Variants in AK8 observed in about 807,000 individuals in gnomAD.
AK8 encodes adenylate kinase 8.
A neutral mutation model predicts 54.6 loss-of-function variants in AK8; 44 were observed. The observed-to-expected ratio is 0.81, with a 90% CI of 0.63 to 1.04. AK8 has a LOEUF of 1.04. AK8 is among the 50% of genes least tolerant of loss of function. AK8 has a pLI of 0.00. For missense variants in AK8, 555 were observed against 613.6 expected (o/e 0.90, Z 1.01); for synonymous variants, 239 against 245.6 (o/e 0.97, Z 0.25).
At chr9:132,802,392 G>A (rs1840502581) in intron 10 of AK8, among the ~76,000 whole-genome samples, 1 of 152,204 alleles carries the variant, frequency 6.6e-6, no homozygotes, top group Non-Finnish European at 1.5e-5. Flanking sequence ...TCTGTGAACA[G>A]ATTCAGACAG....
chr9:132,757,739 A>G (rs1283191029), intron 11 of AK8, among the ~76,000 whole-genome samples: 4 of 152,184 alleles, frequency 2.6e-5, no homozygotes, highest in Admixed American at 2.6e-4. Context: ...AAAAATGGAA[A>G]TAACTGTCAT....
intron 11 of AK8, among the ~76,000 whole-genome samples, chr9:132,750,708 A>G (rs911804071): frequency 1.3e-5 from 2 of 151,974 alleles, no homozygotes; most frequent in Non-Finnish European, 2.9e-5. Flanking sequence ...CCCCCATGAG[A>G]GCAACTTCAG....
intron 8 of AK8, among the ~76,000 whole-genome samples, chr9:132,824,319 G>A (rs1841785061): frequency 6.6e-6 from 1 of 152,184 alleles, no homozygotes; most frequent in Non-Finnish European, 1.5e-5. Flanking sequence ...CTCCTGCCAA[G>A]GCCCCAGACT....
chr9:132,862,622 C>T (rs754758785), intron 4 of AK8, among the ~76,000 whole-genome samples: 8 of 152,162 alleles, frequency 5.3e-5, no homozygotes, highest in Admixed American at 1.3e-4. Context: ...AGTCATTGCA[C>T]CCAGCCCATC....
At chr9:132,845,929 C>T (rs1842731247) in intron 5 of AK8, among the ~76,000 whole-genome samples, 1 of 152,082 alleles carries the variant, frequency 6.6e-6, no homozygotes, top group Non-Finnish European at 1.5e-5. Flanking sequence ...CAAATCTGTC[C>T]AGGCAGCTGG....
intron 5 of AK8, among the ~76,000 whole-genome samples, chr9:132,849,532 T>C (rs1482935285): frequency 6.6e-6 from 1 of 152,190 alleles, no homozygotes. Flanking sequence ...GGGCTCTGGA[T>C]ATCTGCCCAC....
chr9:132,855,684 A>G lies in AK8; in HGVS notation c.334-759T>C, dbSNP rs1227986572. On this transcript the variant is annotated intron_variant, in intron 4 of 12. Transcript: ENST00000298545. ...AATGAAACTTCAAATTCCTTGATGC[A>G]TTCAACAAGCAGCAATCATGACGGC... is the stretch of plus-strand genomic sequence containing the variant. Among the ~76,000 whole-genome samples the G allele has an allele frequency of 2.0e-5, 3 of 152,258 alleles. No homozygotes were observed. The East Asian group carries it at 5.8e-4, about 29-fold the overall frequency.
intron 11 of AK8, among the ~76,000 whole-genome samples, chr9:132,775,129 AG>A (rs11325535): frequency 0.22 from 32,685 of 151,972 alleles, 4,011 homozygotes; most frequent in African/African-American, 0.33. Context: ...GGGATGGCAA[AG>A]GGACCCTGGA....
At chr9:132,877,160 C>G (rs1039764475) in intron 1 of AK8, among the ~76,000 whole-genome samples, 6 of 152,086 alleles carry the variant, frequency 3.9e-5, no homozygotes, top group African/African-American at 1.5e-4. Flanking sequence ...TCCAGATGAT[C>G]CCCCATCCTG....
intron 2 of AK8, among the ~76,000 whole-genome samples, chr9:132,870,590 T>C (rs745522271): frequency 6.6e-6 from 1 of 152,230 alleles, no homozygotes; most frequent in Non-Finnish European, 1.5e-5. Flanking sequence ...GCTCACTTTG[T>C]ACTAAATCTG....
chr9:132,878,440 A>G, upstream of AK8: 1 of 1,229,426 alleles, frequency 8.1e-7, no homozygotes, highest in Admixed American at 4.3e-5. The surrounding 1 kb of genome is among the most constrained non-coding windows in gnomAD (Gnocchi z 4.7). Context: ...GGCTCGGGCA[A>G]GTTCTTTCCC....
chr9:132,793,105 C>T (rs1008384201), intron 10 of AK8, among the ~76,000 whole-genome samples: 2 of 152,206 alleles, frequency 1.3e-5, no homozygotes, highest in Non-Finnish European at 2.9e-5. Flanking sequence ...TAGCAAAATC[C>T]CGTAAACTGG....
chr9:132,827,932 G>A (rs1841940382), intron 7 of AK8, 81 bp downstream of exon 7: 1 of 1,415,414 alleles, frequency 7.1e-7, no homozygotes, highest in African/African-American at 1.4e-5. Context: ...CAGAATGCGA[G>A]GTCAGGAAAT....
At chr9:132,865,706 G>A (rs140287936) in intron 3 of AK8, among the ~76,000 whole-genome samples, 3,008 of 152,150 alleles carry the variant, frequency 0.02, 103 homozygotes, top group African/African-American at 0.065. Context: ...CCAGCTTCTC[G>A]GGAGGCTGAG....
chr9:132,833,730 G>A (rs1842201885), intron 5 of AK8, among the ~76,000 whole-genome samples: 1 of 152,214 alleles, frequency 6.6e-6, no homozygotes, highest in Non-Finnish European at 1.5e-5. Flanking sequence ...TGAAAAAAAA[G>A]CAAAGAAAAG....
chr9:132,865,206 T>C (rs1317188993), intron 3 of AK8, among the ~76,000 whole-genome samples: 1 of 152,178 alleles, frequency 6.6e-6, no homozygotes, highest in Non-Finnish European at 1.5e-5. Flanking sequence ...CGGCCTGATA[T>C]GGAGGAATCT....
At chr9:132,729,204 G>C (rs1438632235) in intron 11 of AK8, among the ~76,000 whole-genome samples, 1 of 152,208 alleles carries the variant, frequency 6.6e-6, no homozygotes. Context: ...CCTTAGGAGA[G>C]TGGTTCTCCA....
At chr9:132,869,260 C>T (rs1163638324) in intron 2 of AK8, among the ~76,000 whole-genome samples, 1 of 152,234 alleles carries the variant, frequency 6.6e-6, no homozygotes, top group African/African-American at 2.4e-5. Context: ...CCTGCACAGG[C>T]TGGGGAGCCA....
At chr9:132,795,484 G>A (rs1413527341) in intron 10 of AK8, among the ~76,000 whole-genome samples, 6 of 152,274 alleles carry the variant, frequency 3.9e-5, no homozygotes, top group Non-Finnish European at 7.4e-5. Flanking sequence ...AATAAATACC[G>A]ATTTAAAACA....
Sources: allele counts gnomAD v4.1 joint callset (sites outside exome capture counted in the v4.1 genomes callset), GRCh38; gene constraint gnomAD v4.1.1; non-coding constraint Gnocchi (gnomAD v3.1); transcripts MANE v1.5; gene names NCBI Gene and HGNC (gene_info 2026-07-23, HGNC 2026-07-21).